ADGB: variants seen among roughly 807,000 people sequenced by gnomAD.
ADGB encodes calpain-7-like protein.
In ADGB, 172 loss-of-function variants were observed where a neutral mutation model predicts 210.5. The observed-to-expected ratio is 0.82, with a 90% CI of 0.72 to 0.93. ADGB has a LOEUF of 0.93. Among genes scored for constraint, ADGB ranks in the 40% least tolerant of loss-of-function variants. The pLI is 0.00. For synonymous variants in ADGB, 658 were observed against 662.7 expected, an observed-to-expected ratio of 0.99 and a Z score of 0.11; for missense variants, 2,025 against 1,964.8, an observed-to-expected ratio of 1.03 and a Z score of -0.58.
chr6:146,734,090 G>A, intron 22 of ADGB, 60 bp downstream of exon 22: 2 of 1,492,386 alleles, frequency 1.3e-6, no homozygotes, highest in Non-Finnish European at 1.8e-6. Flanking sequence ...ATATTTATGT[G>A]TGTTAATGAA....
At chr6:146,726,237 T>A (rs1454461879) in intron 19 of ADGB, 40 bp downstream of exon 19, 1 of 1,381,206 alleles carries the variant, frequency 7.2e-7, no homozygotes, top group East Asian at 2.5e-5. Flanking sequence ...ATTTATTTAT[T>A]TAGAGATGGA....
chr6:146,644,965 T>C (rs1775585838), intron 3 of ADGB, 100 bp downstream of exon 3: 3 of 617,804 alleles, frequency 4.9e-6, no homozygotes, highest in African/African-American at 1.9e-5. Context: ...GGTAATTTTC[T>C]CTTGTGGTAT....
intron 25 of ADGB, among the ~76,000 whole-genome samples, chr6:146,744,144 T>C (rs1777195957): frequency 6.6e-6 from 1 of 152,168 alleles, no homozygotes; most frequent in African/African-American, 2.4e-5. Flanking sequence ...GGTTCATTGC[T>C]CCATTGTTTT....
chr6:146,772,873 C>G (rs1395350188), intron 29 of ADGB, among the ~76,000 whole-genome samples: 2 of 152,006 alleles, frequency 1.3e-5, no homozygotes, highest in African/African-American at 4.8e-5. Context: ...TTGAAGGATA[C>G]CAAGCATGAG....
chr6:146,653,520 T>A (rs1775734149), intron 3 of ADGB, among the ~76,000 whole-genome samples: 2 of 152,110 alleles, frequency 1.3e-5, no homozygotes, highest in African/African-American at 4.8e-5. Context: ...TTCTCACTTA[T>A]AAGTGGGAGC....
chr6:146,724,412 A>T, intron 18 of ADGB, 85 bp downstream of exon 18: 1 of 1,316,228 alleles, frequency 7.6e-7, no homozygotes, highest in Non-Finnish European at 1.0e-6. Context: ...AACAATATGG[A>T]CTCTAAGACA....
At chr6:146,702,447 A>G (rs1410121) in intron 13 of ADGB, among the ~76,000 whole-genome samples, 82,365 of 151,586 alleles carry the variant, frequency 0.54, 23,234 homozygotes, top group African/African-American at 0.68. Flanking sequence ...ATGACCTTGA[A>G]CAGTAGGATG....
intron 9 of ADGB, among the ~76,000 whole-genome samples, chr6:146,684,576 G>A (rs1467489074): frequency 6.6e-6 from 1 of 151,988 alleles, no homozygotes; most frequent in Non-Finnish European, 1.5e-5. Flanking sequence ...CTTTTTAAAA[G>A]GAATAATTAT....
In ADGB at chr6:146,815,190, GA is replaced by G. The variant is rs777137203; in HGVS notation, c.4985del (p.Lys1662ArgfsTer35). ...AGATGACCCCAGCTCCTGACACACA[GA>G]AAAAAAAGAAAGGAAAGAAAAAGTA... ...EKMTPAPDTQ[K>X]KKKGKKK On this transcript the variant is annotated frameshift_variant, in exon 36 of 36. Transcript: ENST00000397944. LOFTEE classifies it high-confidence loss of function. 13 of 1,501,648 alleles carry G rather than the reference GA, an allele frequency of 8.7e-6. No individual in the cohort carries two copies. Among genetic ancestry groups the G allele is most frequent in the East Asian group, 7.6e-5 (3 of 39,580 alleles). 93.0% of individuals were successfully genotyped at this position (1,501,648 alleles called of 1,614,324 possible). A position where few individuals can be genotyped will look rare whatever the true frequency, so the allele number is the denominator to read the frequency against.
intron 2 of ADGB, chr6:146,638,914 A>C (rs1775467976): frequency 6.6e-6 from 1 of 151,786 alleles, no homozygotes; most frequent in South Asian, 2.1e-4. Flanking sequence ...CTGCAAAAAA[A>C]AAAAAAAAAA....
At position 146,752,601 on chromosome 6, in the gene ADGB, T is replaced by A; in HGVS notation, c.3437T>A (p.Ile1146Asn). The part of the protein sequence containing the change: ...QVRTSKPDAF[I>N]KLQVLENEET... ...CGCACATCCAAACCAGATGCATTCATCAAGCTGCAGGTCCTAGAAAATGAA... is the reference window on the plus strand; with the variant it reads ...CGCACATCCAAACCAGATGCATTCAACAAGCTGCAGGTCCTAGAAAATGAA... Residue 1146 changes from isoleucine (I) to asparagine (N), a missense_variant, in exon 27 of 36, where the codon ATC (isoleucine) becomes AAC (asparagine). Ile to Asn is a moderately radical substitution (Grantham distance 149). Transcript: ENST00000397944. The A allele has an allele frequency of 3.9e-6, 6 of 1,550,918 alleles. No homozygotes were observed. The highest frequency in any genetic ancestry group is 5.2e-6 in the Non-Finnish European group (6 of 1,146,468).
At chr6:146,718,120 T>G (rs1481182269) in intron 16 of ADGB, among the ~76,000 whole-genome samples, 1 of 152,048 alleles carries the variant, frequency 6.6e-6, no homozygotes, top group Non-Finnish European at 1.5e-5. Context: ...TCCCTGGCCA[T>G]GGAATCTGGG....
At chr6:146,809,639 T>TG (rs1468897661) in intron 35 of ADGB, among the ~76,000 whole-genome samples, 81 of 152,156 alleles carry the variant, frequency 5.3e-4, no homozygotes, top group African/African-American at 1.8e-3. Flanking sequence ...AACCACCACA[T>TG]CCAGCTTAAA....
chr6:146,764,209 T>C, intron 28 of ADGB, 109 bp downstream of exon 28: 1 of 903,990 alleles, frequency 1.1e-6, no homozygotes, highest in Non-Finnish European at 1.6e-6. Flanking sequence ...GCTGCCAATG[T>C]ATAGCCAGAA....
Position 146,740,532 on chromosome 6 carries a change from T to C in ADGB, c.2962T>C (p.Phe988Leu). The change falls in exon 24 of 36, where the codon TTT (phenylalanine) becomes CTT (leucine). Residue 988 changes from phenylalanine (F) to leucine (L), a missense_variant. Coordinates refer to ENST00000397944, the MANE Select transcript of ADGB (RefSeq NM_024694.4). ...TCAAGATGAAGAAACTAAGATTGCT[T>C]TTGCAGATTATACTGTGACTTATCA... is the stretch of plus-strand genomic sequence containing the variant. Reference protein sequence around the residue: ...CYQDEETKIAFADYTVTYQEQ... With the variant: ...CYQDEETKIALADYTVTYQEQ... 3 of 1,550,734 alleles carry C rather than the reference T, an allele frequency of 1.9e-6. No homozygotes were observed. Among genetic ancestry groups the C allele is most frequent in the Non-Finnish European group, 2.6e-6 (3 of 1,146,404 alleles).
intron 12 of ADGB, among the ~76,000 whole-genome samples, chr6:146,696,095 G>C (rs1413454321): frequency 6.9e-6 from 1 of 144,716 alleles, no homozygotes; most frequent in East Asian, 2.0e-4. Context: ...TTTTTTTCCC[G>C]AGATGGAGTC....
chr6:146,786,604 T>C (rs2114649092), intron 32 of ADGB, among the ~76,000 whole-genome samples: 1 of 152,290 alleles, frequency 6.6e-6, no homozygotes, highest in South Asian at 2.1e-4. Flanking sequence ...ATGTATTACT[T>C]AGTCTACTCA....
Position 146,721,433 on chromosome 6 carries a change from T to A in ADGB, c.2023T>A (p.Phe675Ile). Reference sequence around the variant, plus strand: ...AGAAGAACGAGTGTCCTACTATCTATTTGTAGATAGTCTAAAACCTATTGA... The same window carrying A: ...AGAAGAACGAGTGTCCTACTATCTAATTGTAGATAGTCTAAAACCTATTGA... The part of the protein sequence containing the change: ...FSEERVSYYL[F>I]VDSLKPIELL... The change falls in exon 17 of 36, where the codon TTT (phenylalanine) becomes ATT (isoleucine). Residue 675 changes from phenylalanine to isoleucine, a missense_variant. Transcript: ENST00000397944. 6.5e-7 allele frequency: 1 copy of A among 1,550,026 alleles called. No homozygotes were observed. The highest frequency in any genetic ancestry group is 8.7e-7 in the Non-Finnish European group (1 of 1,145,418).
At chr6:146,701,466 T>C (rs1242831907) in intron 13 of ADGB, among the ~76,000 whole-genome samples, 1 of 152,064 alleles carries the variant, frequency 6.6e-6, no homozygotes, top group East Asian at 1.9e-4. Flanking sequence ...TCTATCACAG[T>C]GTTAGTGGCT....
Sources: gnomAD v4.1 joint callset for allele counts (sites outside exome capture counted in the v4.1 genomes callset) on GRCh38, gnomAD v4.1.1 for gene constraint, MANE v1.5 for transcripts, NCBI Gene and HGNC (gene_info 2026-07-23, HGNC 2026-07-21) for gene names.